LRRK1: variants seen among roughly 807,000 people sequenced by gnomAD.
The protein encoded by LRRK1 is leucine-rich repeat serine/threonine-protein kinase 1.
LRRK1 carries 113 observed loss-of-function variants against 209.1 expected under a neutral mutation model. That is an observed-to-expected ratio of 0.54 (90% CI 0.46 to 0.63). The LOEUF (loss-of-function observed/expected upper bound fraction) is 0.63, where lower values mean the gene tolerates loss of function less well. Ranked by LOEUF, LRRK1 falls within the 30% of genes least tolerant of loss-of-function variation. The pLI, the probability that LRRK1 is intolerant of heterozygous loss-of-function variation, is 0.00. For missense variants in LRRK1, 2,284 were observed against 2,632.2 expected (o/e 0.87, Z 2.89); for synonymous variants, 1,144 against 1,099.7 (o/e 1.04, Z -0.80).
intron 2 of LRRK1, among the ~76,000 whole-genome samples, chr15:100,955,172 C>T (rs2042728449): frequency 6.6e-6 from 1 of 152,100 alleles, no homozygotes; most frequent in Admixed American, 6.5e-5. Flanking sequence ...GTGTCTTTTT[C>T]AATTTCTTTC....
chr15:100,953,930 G>C (rs1301509958), intron 2 of LRRK1, among the ~76,000 whole-genome samples: 1 of 151,704 alleles, frequency 6.6e-6, no homozygotes, highest in Non-Finnish European at 1.5e-5. Context: ...TGTTGTTGTT[G>C]TTTGAGACAC....
In LRRK1 at chr15:100,927,469, A is replaced by C. The variant is rs529518502; in HGVS notation, c.97+2740A>C. Among the ~76,000 whole-genome samples the C allele has an allele frequency of 2.6e-5, 4 of 152,202 alleles. No homozygotes were observed. In the Middle Eastern group the frequency reaches 0.014, roughly 518 times the overall value. On this transcript the variant is annotated intron_variant, in intron 2 of 33. Transcript: ENST00000388948. Reference sequence around the variant, plus strand: ...CTGCTATCCCTGTTCTGTATAACCCAAGGGACACACACAAGGGCCAAGGAC... The same window carrying C: ...CTGCTATCCCTGTTCTGTATAACCCCAGGGACACACACAAGGGCCAAGGAC...
At chr15:100,933,124 A>T (rs2042239622) in intron 2 of LRRK1, among the ~76,000 whole-genome samples, 1 of 152,192 alleles carries the variant, frequency 6.6e-6, no homozygotes, top group Admixed American at 6.5e-5. Context: ...TGTGTTCCTG[A>T]GGGCATCTTT....
intron 6 of LRRK1, among the ~76,000 whole-genome samples, chr15:100,993,625 T>C (rs2032266478): frequency 6.6e-6 from 1 of 152,208 alleles, no homozygotes; most frequent in Non-Finnish European, 1.5e-5. Context: ...CTTGGATAAG[T>C]TTTCCCAGAT....
Position 101,022,526 on chromosome 15 carries a change from G to A in LRRK1, c.1996G>A (p.Val666Met), listed in dbSNP as rs773362599. Residue 666 changes from valine (V) to methionine (M), a missense_variant, in exon 15 of 34, where the codon GTG (valine) becomes ATG (methionine). Val to Met is a conservative substitution (Grantham distance 21). Coordinates refer to ENST00000388948, the MANE Select transcript of LRRK1 (RefSeq NM_024652.6). This position sits in a 1 kb window ranked among gnomAD's most constrained non-coding sequence, Gnocchi z 4.0. ...CTTACAGACGGGGAGGGCCCCCCAGGTGGTGCATGGAGAGGCCACCATCAG... is the reference window on the plus strand; with the variant it reads ...CTTACAGACGGGGAGGGCCCCCCAGATGGTGCATGGAGAGGCCACCATCAG... Reference protein sequence around the residue: ...EILQTGRAPQVVHGEATIRTT... With the variant: ...EILQTGRAPQMVHGEATIRTT... The A allele has an allele frequency of 1.2e-6, 2 of 1,614,112 alleles. No homozygotes were observed. The highest frequency in any genetic ancestry group is 1.1e-5 in the South Asian group (1 of 91,086).
At chr15:100,984,804 A>T (rs935186971) in intron 4 of LRRK1, among the ~76,000 whole-genome samples, 1 of 151,990 alleles carries the variant, frequency 6.6e-6, no homozygotes, top group Non-Finnish European at 1.5e-5. Context: ...GCTCAGAAAC[A>T]CTGCACCAGT....
At chr15:101,065,244 G>A (rs917311821) in intron 31 of LRRK1, 108 bp from the exon 32 acceptor site, 6 of 1,384,282 alleles carry the variant, frequency 4.3e-6, no homozygotes, top group Non-Finnish European at 5.9e-6. Flanking sequence ...CTGGTGGAAA[G>A]TGACTGCCCG....
chr15:100,966,881 A>C (rs1468585362), intron 2 of LRRK1, among the ~76,000 whole-genome samples: 1 of 152,234 alleles, frequency 6.6e-6, no homozygotes, highest in African/African-American at 2.4e-5. Context: ...TCTCATGGGC[A>C]CCTTATGGCC....
intron 2 of LRRK1, among the ~76,000 whole-genome samples, chr15:100,951,813 A>G (rs2141623183): frequency 6.6e-6 from 1 of 152,044 alleles, no homozygotes; most frequent in South Asian, 2.1e-4. Flanking sequence ...TTAGCCAGGC[A>G]TGGTGGCATG....
chr15:101,028,814 C>G, intron 19 of LRRK1, 142 bp from the exon 20 acceptor site: 1 of 935,492 alleles, frequency 1.1e-6, no homozygotes, highest in Non-Finnish European at 1.6e-6. Flanking sequence ...GCCAGCCCAC[C>G]TGAAGGGTCC....
chr15:101,051,697 C>G lies in LRRK1; in HGVS notation c.3440-14C>G, dbSNP rs780595180. The stretch of plus-strand genomic sequence containing the variant: ...CCTTCTTGTGAAGCTGTCTCCTGCT[C>G]TGTCCTTATTTAGCCCTGACAGCCA... On this transcript the variant is annotated splice_polypyrimidine_tract_variant and intron_variant, in intron 23 of 33. Coordinates refer to ENST00000388948, the MANE Select transcript of LRRK1 (RefSeq NM_024652.6). 2.8e-5 allele frequency: 45 copies of G among 1,612,328 alleles called. No homozygotes were observed. The highest frequency in any genetic ancestry group is 3.7e-5 in the Non-Finnish European group (44 of 1,179,310).
rs2042076161 is a variant in LRRK1 at position 100,924,613 on chromosome 15, A to C, written c.-20A>C. The C allele has an allele frequency of 6.2e-7, 1 of 1,612,850 alleles. No individual in the cohort carries two copies. The highest frequency in any genetic ancestry group is 8.5e-7 in the Non-Finnish European group (1 of 1,179,156). The stretch of plus-strand genomic sequence containing the variant: ...ACAACAGCGGGACCTGCCTTTGAAG[A>C]TCGGCTGCTGCAAGGGTTGATGGCT... On this transcript the variant is annotated 5_prime_UTR_variant, in exon 2 of 34. Coordinates refer to ENST00000388948, the MANE Select transcript of LRRK1 (RefSeq NM_024652.6).
intron 2 of LRRK1, among the ~76,000 whole-genome samples, chr15:100,964,564 T>G (rs1340415277): frequency 2.6e-5 from 4 of 152,250 alleles, no homozygotes; most frequent in African/African-American, 9.6e-5. Flanking sequence ...TCCTGAAGTT[T>G]ACTTTTGTTT....
At chr15:101,039,486 C>G (rs560776467) in intron 20 of LRRK1, among the ~76,000 whole-genome samples, 1 of 152,218 alleles carries the variant, frequency 6.6e-6, no homozygotes, top group African/African-American at 2.4e-5. Context: ...CCTATTAGCT[C>G]CAGTAGATTT....
In LRRK1 at chr15:101,038,777, C is replaced by T. The variant is rs2034605812; in HGVS notation, c.2964-7204C>T. On this transcript the variant is annotated intron_variant, in intron 20 of 33. Transcript: ENST00000388948. Reference sequence around the variant, plus strand: ...AGTGTCAGAGGCAAGTCTGAAATGCCTCTAGTCAGCCATCTTGAAGCCGTC... The same window carrying T: ...AGTGTCAGAGGCAAGTCTGAAATGCTTCTAGTCAGCCATCTTGAAGCCGTC... Among the ~76,000 whole-genome samples the T allele has an allele frequency of 2.0e-5, 3 of 152,206 alleles. No individual in the cohort carries two copies. In the South Asian group the frequency reaches 6.2e-4, roughly 32 times the overall value.
intron 33 of LRRK1, among the ~76,000 whole-genome samples, chr15:101,068,145 T>G (rs924460393): frequency 1.3e-5 from 2 of 152,190 alleles, no homozygotes; most frequent in African/African-American, 4.8e-5. Flanking sequence ...CACCCACCGA[T>G]CCTGCAAAAC....
intron 12 of LRRK1, among the ~76,000 whole-genome samples, chr15:101,020,070 CT>C (rs2033707953): frequency 1.3e-5 from 2 of 152,242 alleles, no homozygotes; most frequent in South Asian, 2.1e-4. Flanking sequence ...CATTAACTAG[CT>C]TTTTTTCATG....
chr15:100,936,437 C>T (rs2042300895), intron 2 of LRRK1, among the ~76,000 whole-genome samples: 1 of 152,232 alleles, frequency 6.6e-6, no homozygotes, highest in Non-Finnish European at 1.5e-5. Context: ...ATGAACTCCA[C>T]AATGTCATCC....
chr15:101,013,269 G>A (rs2033366812), intron 10 of LRRK1, among the ~76,000 whole-genome samples: 1 of 152,200 alleles, frequency 6.6e-6, no homozygotes, highest in Non-Finnish European at 1.5e-5. Context: ...GGTGGCGTGA[G>A]CCCCTTCAAC....
Sources: gnomAD v4.1 joint callset for allele counts (sites outside exome capture counted in the v4.1 genomes callset) on GRCh38, gnomAD v4.1.1 for gene constraint, Gnocchi (gnomAD v3.1) non-coding constraint, MANE v1.5 for transcripts, NCBI Gene and HGNC (gene_info 2026-07-23, HGNC 2026-07-21) for gene names.